The following VMP1 variants were observed in gnomAD, a reference collection of about 807,000 sequenced individuals.
VMP1 encodes ectopic P-granules autophagy protein 3 homolog.
VMP1 carries 11 observed loss-of-function variants against 56.0 expected under a neutral mutation model. The ratio of observed to expected loss-of-function variants is 0.20; its 90% CI spans 0.12 to 0.32. The LOEUF is 0.32. Among genes scored for constraint, VMP1 ranks in the 10% least tolerant of loss-of-function variants. The pLI is 1.00. For synonymous variants in VMP1, 149 were observed against 165.0 expected (o/e 0.90, Z 0.74); for missense variants, 296 against 490.3 (o/e 0.60, Z 3.74).
At chr17:59,769,763 T>TA (rs2036359766) in intron 6 of VMP1, among the ~76,000 whole-genome samples, 1 of 152,206 alleles carries the variant, frequency 6.6e-6, no homozygotes, top group African/African-American at 2.4e-5. Flanking sequence ...TCTCCTTAAT[T>TA]AAACTTAGGC....
chr17:59,744,409 C>G (rs1212236468), intron 5 of VMP1, among the ~76,000 whole-genome samples: 1 of 148,028 alleles, frequency 6.8e-6, no homozygotes, highest in African/African-American at 2.5e-5. Flanking sequence ...TTGCAGTGAG[C>G]CGAGATTCCA....
chr17:59,811,032 A>G (rs561329310), intron 8 of VMP1, among the ~76,000 whole-genome samples: 1 of 152,314 alleles, frequency 6.6e-6, no homozygotes, highest in Non-Finnish European at 1.5e-5. Flanking sequence ...GTGTGATCTC[A>G]TATTTCCACA....
At chr17:59,777,406 T>C (rs1214615337) in intron 7 of VMP1, among the ~76,000 whole-genome samples, 2 of 152,194 alleles carry the variant, frequency 1.3e-5, no homozygotes, top group African/African-American at 4.8e-5. Context: ...GTTTCTGTAA[T>C]TGGTATCCAG....
At chr17:59,777,012 T>A (rs917311897) in intron 7 of VMP1, among the ~76,000 whole-genome samples, 1 of 152,200 alleles carries the variant, frequency 6.6e-6, no homozygotes, top group African/African-American at 2.4e-5. Flanking sequence ...CCAACAGCCC[T>A]GTAAAAACAT....
In VMP1 at chr17:59,731,416, A is replaced by T. The variant is rs767808120; in HGVS notation, c.-26-5A>T. The T allele has an allele frequency of 6.4e-7, 1 of 1,566,258 alleles. No homozygotes were observed. Among genetic ancestry groups the T allele is most frequent in the Non-Finnish European group, 8.7e-7 (1 of 1,153,456 alleles). ...GTATTGCTGGATTTTATTTTGCTGT[A>T]TTAGCTCCTCAAGAGTTACTGATCT... On this transcript the variant is annotated splice_region_variant and splice_polypyrimidine_tract_variant and intron_variant, in intron 1 of 11. Transcript: ENST00000262291.
intron 7 of VMP1, among the ~76,000 whole-genome samples, chr17:59,789,323 C>T (rs764418049): frequency 2.7e-5 from 4 of 150,910 alleles, no homozygotes; most frequent in Non-Finnish European, 4.4e-5. Context: ...TTTGGGAGGC[C>T]GAGGCGGGCG....
intron 5 of VMP1, among the ~76,000 whole-genome samples, chr17:59,750,249 G>T (rs1353081489): frequency 2.6e-5 from 4 of 151,484 alleles, no homozygotes; most frequent in African/African-American, 9.7e-5. Context: ...ATTTTATTAT[G>T]CTCTTTGCAT....
chr17:59,725,551 C>CAA (rs78026893), intron 1 of VMP1, among the ~76,000 whole-genome samples: 303 of 112,394 alleles, frequency 2.7e-3, no homozygotes, highest in South Asian at 0.01. Flanking sequence ...GTCAAAATGC[C>CAA]AAAAAAAAAA....
rs2144362580 is a variant in VMP1 at position 59,839,810 on chromosome 17, G to A, written c.1120G>A (p.Val374Ile). Residue 374 changes from valine (V) to isoleucine (I), a missense_variant, in exon 12 of 12, where the codon GTC becomes ATC. Physicochemically the swap from Val to Ile is conservative, Grantham distance 29 (BLOSUM62 3). Transcript: ENST00000262291. ...LSWMFEKLVV[V>I]MVCYFILSII... The stretch of plus-strand genomic sequence containing the variant: ...CTGGATGTTTGAAAAGTTGGTCGTT[G>A]TCATGGTGTGTTACTTCATCCTATC... The A allele has an allele frequency of 6.2e-7, 1 of 1,613,588 alleles. No individual in the cohort carries two copies. The highest frequency in any genetic ancestry group is 1.7e-4 in the Middle Eastern group (1 of 6,058).
chr17:59,757,475 A>C (rs2035886651), intron 5 of VMP1, among the ~76,000 whole-genome samples: 1 of 152,202 alleles, frequency 6.6e-6, no homozygotes, highest in Non-Finnish European at 1.5e-5. Flanking sequence ...TCATGAAAGA[A>C]TGTAAATCAT....
intron 10 of VMP1, among the ~76,000 whole-genome samples, chr17:59,822,502 T>C (rs765227666): frequency 6.6e-6 from 1 of 151,874 alleles, no homozygotes; most frequent in Non-Finnish European, 1.5e-5. Context: ...CTAATTTTTG[T>C]ATTTTTAGTA....
At chr17:59,751,323 G>C (rs746382182) in intron 5 of VMP1, among the ~76,000 whole-genome samples, 1 of 152,154 alleles carries the variant, frequency 6.6e-6, no homozygotes, top group Non-Finnish European at 1.5e-5. Flanking sequence ...ATTCTCTCAT[G>C]TAGCGGAAAT....
chr17:59,792,666 AC>A (rs2037276942), intron 7 of VMP1, among the ~76,000 whole-genome samples: 1 of 148,780 alleles, frequency 6.7e-6, no homozygotes, highest in Admixed American at 6.8e-5. Flanking sequence ...AGAGTTCGAG[AC>A]CAGCCTGACC....
At chr17:59,739,517 G>A (rs1270512623) in intron 5 of VMP1, among the ~76,000 whole-genome samples, 1 of 151,866 alleles carries the variant, frequency 6.6e-6, no homozygotes, top group African/African-American at 2.4e-5. Flanking sequence ...GAGGTCTGGA[G>A]ATCGAGACCA....
At chr17:59,827,462 A>G (rs2526352) in intron 10 of VMP1, among the ~76,000 whole-genome samples, 113,530 of 151,708 alleles carry the variant, frequency 0.75, 42,838 homozygotes, top group Middle Eastern at 0.8. Context: ...GACTACAGGC[A>G]TGCACCACCA....
chr17:59,717,363 G>A (rs2034203226), intron 1 of VMP1, among the ~76,000 whole-genome samples: 1 of 152,090 alleles, frequency 6.6e-6, no homozygotes, highest in Non-Finnish European at 1.5e-5. Context: ...GAGAAAATGA[G>A]AAATGGGATT....
At chr17:59,830,910 A>G (rs892798880) in intron 10 of VMP1, among the ~76,000 whole-genome samples, 3 of 151,882 alleles carry the variant, frequency 2.0e-5, no homozygotes, top group African/African-American at 2.4e-5. Flanking sequence ...TACAGCCTCA[A>G]CCTCCTAGGA....
intron 5 of VMP1, among the ~76,000 whole-genome samples, chr17:59,746,218 T>C (rs1339756103): frequency 6.6e-6 from 1 of 152,232 alleles, no homozygotes; most frequent in Admixed American, 6.5e-5. Context: ...ACACCCAGGC[T>C]GGAGTGCAGT....
intron 1 of VMP1, among the ~76,000 whole-genome samples, chr17:59,727,795 A>C (rs534972384): frequency 7.9e-5 from 12 of 152,360 alleles, no homozygotes; most frequent in African/African-American, 2.9e-4. Flanking sequence ...CGTATCAACA[A>C]ACATACACAT....
Sources: allele counts gnomAD v4.1 joint callset (sites outside exome capture counted in the v4.1 genomes callset), GRCh38; gene constraint gnomAD v4.1.1; transcripts MANE v1.5; gene names NCBI Gene and HGNC (gene_info 2026-07-23, HGNC 2026-07-21).